FOXO3: variants seen among roughly 807,000 people sequenced by gnomAD.
The protein encoded by FOXO3 is forkhead box protein O3.
A neutral mutation model predicts 41.9 loss-of-function variants in FOXO3; 4 were observed. The ratio of observed to expected loss-of-function variants is 0.10; its 90% CI spans 0.05 to 0.22. FOXO3 has a LOEUF of 0.22. Ranked by LOEUF, FOXO3 falls within the 10% of genes least tolerant of loss-of-function variation. The pLI, the probability that FOXO3 is intolerant of heterozygous loss-of-function variation, is 1.00. For synonymous variants in FOXO3, 318 were observed against 389.3 expected (o/e 0.82, Z 2.16); for missense variants, 534 against 906.8 (o/e 0.59, Z 5.28).
At chr6:108,606,324 A>G (rs934443819) in intron 1 of FOXO3, among the ~76,000 whole-genome samples, 3 of 152,120 alleles carry the variant, frequency 2.0e-5, no homozygotes, top group Non-Finnish European at 2.9e-5. Flanking sequence ...TGTTCACCCC[A>G]TAGACTGTAC....
chr6:108,642,196 C>T (rs775723996), intron 1 of FOXO3, among the ~76,000 whole-genome samples: 19 of 151,062 alleles, frequency 1.3e-4, no homozygotes, highest in Non-Finnish European at 2.1e-4. Flanking sequence ...TCAAGCAATC[C>T]TCCCATCTCA....
intron 1 of FOXO3, among the ~76,000 whole-genome samples, chr6:108,602,945 AAGAT>A (rs1213862835): frequency 6.6e-6 from 1 of 152,212 alleles, no homozygotes; most frequent in Non-Finnish European, 1.5e-5. Flanking sequence ...TGAAAGGAAT[AAGAT>A]AGGGTTAATA....
At position 108,681,909 on chromosome 6, in the gene FOXO3, G is replaced by T. The variant is rs146847197; in HGVS notation, c.*2117G>T. ...TTTCCAGTAGCAGTGAAGGAGGGTTGCCTCTCCAAGCTTCCTAAGGGATGC... is the reference window on the plus strand; with the variant it reads ...TTTCCAGTAGCAGTGAAGGAGGGTTTCCTCTCCAAGCTTCCTAAGGGATGC... On this transcript the variant is annotated 3_prime_UTR_variant, in exon 3 of 3. Coordinates refer to ENST00000406360, the MANE Select transcript of FOXO3 (RefSeq NM_001455.4). 6.6e-6 allele frequency: 1 copy of T among 152,076 alleles called. No homozygotes were observed. The highest frequency in any genetic ancestry group is 2.1e-4 in the South Asian group (1 of 4,820). The allele number at this position is 152,076 out of a possible 1,614,324, so 9.4% of individuals were successfully genotyped here.
chr6:108,664,754 A>G lies in FOXO3; in HGVS notation c.1921A>G (p.Asn641Asp). 1 of 1,432,224 alleles carries G rather than the reference A, an allele frequency of 7.0e-7. No individual in the cohort carries two copies. 88.7% of individuals were successfully genotyped at this position (1,432,224 alleles called of 1,614,324 possible). A position where few individuals can be genotyped will look rare whatever the true frequency, so the allele number is the denominator to read the frequency against. ...ELMDADGLDF[N>D]FDSLISTQNV... ...CATGGATGCTGATGGGTTGGATTTTAACTTTGATTCCCTCATCTCCACACA... is the reference window on the plus strand; with the variant it reads ...CATGGATGCTGATGGGTTGGATTTTGACTTTGATTCCCTCATCTCCACACA... The change falls in exon 2 of 3, where the codon AAC becomes GAC. Residue 641 changes from asparagine (N) to aspartate (D), a missense_variant. By Grantham distance (23) the Asn-to-Asp change is conservative. Coordinates refer to ENST00000406360, the MANE Select transcript of FOXO3 (RefSeq NM_001455.4).
rs143524291 is a variant in FOXO3, at chr6:108,564,942, G to A, written c.621+3113G>A. Among the ~76,000 whole-genome samples, 501 of 152,188 alleles carry A rather than the reference G, an allele frequency of 3.3e-3. 3 individuals are homozygous for A. Among genetic ancestry groups the A allele is most frequent in the African/African-American group, 0.011 (440 of 41,514 alleles). On this transcript the variant is annotated intron_variant, in intron 1 of 2. Coordinates refer to ENST00000406360, the MANE Select transcript of FOXO3 (RefSeq NM_001455.4). ...GATCACACAGCTAGTTAGTAGAGAG[G>A]TAATTAGTAGCCACAGTTCTAGAGG...
chr6:108,559,970 G>A (rs968602223), upstream of FOXO3: 2 of 151,948 alleles, frequency 1.3e-5, no homozygotes, highest in African/African-American at 2.4e-5. Flanking sequence ...GGGCCCGCGC[G>A]GGATCGTGCG....
chr6:108,611,338 G>C (rs921705798), intron 1 of FOXO3, among the ~76,000 whole-genome samples: 22 of 152,148 alleles, frequency 1.4e-4, no homozygotes, highest in Non-Finnish European at 2.8e-4. Flanking sequence ...CTATGTTCAG[G>C]ACTTTTGGGG....
intron 1 of FOXO3, among the ~76,000 whole-genome samples, chr6:108,637,762 T>G (rs1239139610): frequency 2.6e-5 from 4 of 152,160 alleles, no homozygotes; most frequent in African/African-American, 9.6e-5. Context: ...GCTTTTTGGT[T>G]TTCTTCCCCT....
intron 1 of FOXO3, among the ~76,000 whole-genome samples, chr6:108,580,438 G>C (rs1206213673): frequency 6.6e-6 from 1 of 152,046 alleles, no homozygotes; most frequent in African/African-American, 2.4e-5. Flanking sequence ...CACCCACCTT[G>C]GCCTCCCAAA....
At chr6:108,622,933 A>G (rs1441162564) in intron 1 of FOXO3, among the ~76,000 whole-genome samples, 4 of 145,704 alleles carry the variant, frequency 2.7e-5, no homozygotes, top group Non-Finnish European at 4.6e-5. Context: ...GCCTTTTAGA[A>G]AAAAAAAAAA....
intron 1 of FOXO3, among the ~76,000 whole-genome samples, chr6:108,603,382 A>C (rs1246367997): frequency 6.6e-6 from 1 of 152,190 alleles, no homozygotes; most frequent in African/African-American, 2.4e-5. Flanking sequence ...TACCTTCTAC[A>C]TGTTTGCAGC....
intron 2 of FOXO3, among the ~76,000 whole-genome samples, chr6:108,677,643 C>T (rs1485004125): frequency 6.6e-6 from 1 of 152,098 alleles, no homozygotes; most frequent in African/African-American, 2.4e-5. Context: ...GATGGGAGTC[C>T]CCTGATGACT....
At chr6:108,580,821 G>T (rs932976890) in intron 1 of FOXO3, among the ~76,000 whole-genome samples, 1 of 152,246 alleles carries the variant, frequency 6.6e-6, no homozygotes, top group Non-Finnish European at 1.5e-5. Flanking sequence ...GTGTTAGGTT[G>T]TAGACAAGCA....
rs948552456 is a variant in FOXO3 at position 108,681,240 on chromosome 6, T to C, written c.*1448T>C. ...ACGATGCTCTGATTAGCACAGTATA[T>C]GCATACTTCTCCAAAGTGATATATG... is the stretch of plus-strand genomic sequence containing the variant. On this transcript the variant is annotated 3_prime_UTR_variant, in exon 3 of 3. Transcript: ENST00000406360. 4 of 152,696 alleles carry C rather than the reference T, an allele frequency of 2.6e-5. No homozygotes were observed. The highest frequency in any genetic ancestry group is 5.9e-5 in the Non-Finnish European group (4 of 68,048). 9.5% of individuals were successfully genotyped at this position (152,696 alleles called of 1,614,324 possible).
At chr6:108,610,136 G>A (rs936918934) in intron 1 of FOXO3, among the ~76,000 whole-genome samples, 8 of 151,972 alleles carry the variant, frequency 5.3e-5, no homozygotes, top group Admixed American at 1.3e-4. Flanking sequence ...ATTTAAAATC[G>A]TTGCTTTAAT....
intron 1 of FOXO3, among the ~76,000 whole-genome samples, chr6:108,574,310 A>G (rs1189424327): frequency 6.6e-6 from 1 of 152,134 alleles, no homozygotes; most frequent in Non-Finnish European, 1.5e-5. Flanking sequence ...TATGGGTCAG[A>G]GGCACAGTGT....
Position 108,561,064 on chromosome 6 carries a change from CTCT to C in FOXO3, c.-140_-138del, listed in dbSNP as rs925435381. The C allele has an allele frequency of 5.6e-6, 8 of 1,420,640 alleles. No individual in the cohort carries two copies. In the African/African-American group the frequency reaches 9.1e-5, roughly 16 times the overall value. 88.0% of individuals were successfully genotyped at this position (1,420,640 alleles called of 1,614,324 possible). A position where few individuals can be genotyped will look rare whatever the true frequency, so the allele number is the denominator to read the frequency against. ...GCCCGGGATAACCAACTCTCCTTCT[CTCT>C]TCTTTGGTGCTTCCCCAGGCGGCGG... On this transcript the variant is annotated 5_prime_UTR_variant, in exon 1 of 3. Coordinates refer to ENST00000406360, the MANE Select transcript of FOXO3 (RefSeq NM_001455.4).
intron 1 of FOXO3, among the ~76,000 whole-genome samples, chr6:108,585,836 C>T (rs1208927220): frequency 6.6e-6 from 1 of 152,228 alleles, no homozygotes; most frequent in Non-Finnish European, 1.5e-5. Flanking sequence ...TACAAAATCG[C>T]TCTGTGCTTA....
rs759347432 is a variant in FOXO3, at chr6:108,680,764, A to C, written c.*972A>C. ...GAGAAAGAAAAGGAAAAAAAAAAAAAACAAAAAAGTCCTGTTTTGCTTTGC... is the reference window on the plus strand; with the variant it reads ...GAGAAAGAAAAGGAAAAAAAAAAAACACAAAAAAGTCCTGTTTTGCTTTGC... On this transcript the variant is annotated 3_prime_UTR_variant, in exon 3 of 3. Coordinates refer to ENST00000406360, the MANE Select transcript of FOXO3 (RefSeq NM_001455.4). 18 of 139,408 alleles carry C rather than the reference A, an allele frequency of 1.3e-4. No homozygotes were observed. Among genetic ancestry groups the C allele is most frequent in the African/African-American group, 3.7e-4 (14 of 37,940 alleles). 8.6% of individuals were successfully genotyped at this position (139,408 alleles called of 1,614,324 possible). A position where few individuals can be genotyped will look rare whatever the true frequency, so the allele number is the denominator to read the frequency against.
Sources: allele counts gnomAD v4.1 joint callset (sites outside exome capture counted in the v4.1 genomes callset), GRCh38; gene constraint gnomAD v4.1.1; transcripts MANE v1.5; gene names NCBI Gene and HGNC (gene_info 2026-07-23, HGNC 2026-07-21).